The following THRB variants were observed in gnomAD, a reference collection of about 807,000 sequenced individuals.
The protein encoded by THRB is nuclear receptor subfamily 1 group A member 2.
Under a neutral mutation model 47.8 loss-of-function variants are expected in THRB, and 12 were observed. The ratio of observed to expected loss-of-function variants is 0.25; its 90% CI spans 0.16 to 0.41. The LOEUF (loss-of-function observed/expected upper bound fraction) is 0.41, where lower values mean the gene tolerates loss of function less well. Ranked by LOEUF, THRB falls within the 10% of genes least tolerant of loss-of-function variation. The pLI is 1.00. For missense variants in THRB, 348 were observed against 589.2 expected (o/e 0.59, Z 4.24); for synonymous variants, 218 against 212.2 (o/e 1.03, Z -0.24).
At chr3:24,200,437 A>G (rs1325758619) in intron 4 of THRB, among the ~76,000 whole-genome samples, 1 of 152,230 alleles carries the variant, frequency 6.6e-6, no homozygotes, top group Non-Finnish European at 1.5e-5. Flanking sequence ...ATAAAAGACA[A>G]AATATGACTT....
intron 3 of THRB, among the ~76,000 whole-genome samples, chr3:24,232,639 G>A (rs146905658): frequency 6.6e-6 from 1 of 152,244 alleles, no homozygotes; most frequent in African/African-American, 2.4e-5. Context: ...CATTACGCAG[G>A]TTTTAAGCAG....
intron 1 of THRB, among the ~76,000 whole-genome samples, chr3:24,433,888 C>T (rs2070691247): frequency 6.6e-6 from 1 of 152,176 alleles, no homozygotes; most frequent in Admixed American, 6.5e-5. Context: ...AGCCATAACG[C>T]TGAGGGTCCT....
chr3:24,253,398 C>T (rs548498717), intron 3 of THRB, among the ~76,000 whole-genome samples: 1 of 152,164 alleles, frequency 6.6e-6, no homozygotes, highest in East Asian at 1.9e-4. Context: ...TGAACAAACA[C>T]AGGAAAAAAA....
At chr3:24,248,120 A>T (rs548767936) in intron 3 of THRB, among the ~76,000 whole-genome samples, 2 of 152,090 alleles carry the variant, frequency 1.3e-5, no homozygotes, top group South Asian at 4.1e-4. Context: ...AACTTCTATT[A>T]ATAATCAGTG....
intron 3 of THRB, among the ~76,000 whole-genome samples, chr3:24,278,283 G>A (rs754422085): frequency 1.5e-4 from 23 of 152,072 alleles, no homozygotes; most frequent in Non-Finnish European, 3.1e-4. Flanking sequence ...GGCAGAAGCA[G>A]GCATAAAGTA....
chr3:24,391,176 G>T (rs2066541361), intron 1 of THRB, among the ~76,000 whole-genome samples: 1 of 152,144 alleles, frequency 6.6e-6, no homozygotes, highest in Admixed American at 6.6e-5. Flanking sequence ...CCACAAGAAG[G>T]TAAGACCCAG....
chr3:24,491,241 C>G (rs1486870542), intron 1 of THRB, among the ~76,000 whole-genome samples: 1 of 152,176 alleles, frequency 6.6e-6, no homozygotes, highest in African/African-American at 2.4e-5. Context: ...TCTTCCCCTC[C>G]CATTTTTAAC....
At chr3:24,177,331 G>A (rs190410621) in intron 5 of THRB, among the ~76,000 whole-genome samples, 2 of 152,254 alleles carry the variant, frequency 1.3e-5, no homozygotes, top group East Asian at 3.9e-4. Context: ...CAGAGTTACT[G>A]CTCATTGCAA....
chr3:24,137,977 T>C (rs1559427550), intron 8 of THRB, among the ~76,000 whole-genome samples: 1 of 151,534 alleles, frequency 6.6e-6, no homozygotes, highest in African/African-American at 2.4e-5. Context: ...CTTCTTGGGG[T>C]AGTGGGGGTG....
chr3:24,397,341 T>C (rs2067039474), intron 1 of THRB, among the ~76,000 whole-genome samples: 1 of 152,130 alleles, frequency 6.6e-6, no homozygotes, highest in African/African-American at 2.4e-5. Context: ...TGATGTGATA[T>C]GTAACTTGGC....
chr3:24,426,870 C>A (rs974232339), intron 1 of THRB, among the ~76,000 whole-genome samples: 28 of 152,036 alleles, frequency 1.8e-4, no homozygotes, highest in South Asian at 6.2e-4. Context: ...ATATGGAATA[C>A]GCTTGTGAAT....
At chr3:24,146,537 G>A in intron 7 of THRB, 138 bp downstream of exon 7, 1 of 883,082 alleles carries the variant, frequency 1.1e-6, no homozygotes, top group Non-Finnish European at 1.8e-6. Flanking sequence ...GGGGAGTGAG[G>A]GGTGTATGCG....
chr3:24,233,591 G>GAAAT (rs778060727), intron 3 of THRB, among the ~76,000 whole-genome samples: 1 of 69,316 alleles, frequency 1.4e-5, no homozygotes, highest in Non-Finnish European at 4.5e-5. Flanking sequence ...AAGAAAGAAA[G>GAAAT]AAAGAAAGAA....
intron 4 of THRB, among the ~76,000 whole-genome samples, chr3:24,193,813 T>G (rs1343659760): frequency 6.6e-6 from 1 of 150,950 alleles, no homozygotes; most frequent in Admixed American, 6.6e-5. Context: ...AAAAAGACAT[T>G]TGCACACACA....
intron 5 of THRB, among the ~76,000 whole-genome samples, chr3:24,176,748 A>ATCTACAGGGACTGAAAG (rs2041207083): frequency 1.3e-5 from 2 of 152,164 alleles, no homozygotes; most frequent in South Asian, 4.1e-4. Flanking sequence ...GAAAAGGCAA[A>ATCTACAGGGACTGAAAG]TCTACAGGGA....
chr3:24,283,838 A>G (rs1430879266), intron 3 of THRB, among the ~76,000 whole-genome samples: 1 of 151,898 alleles, frequency 6.6e-6, no homozygotes, highest in African/African-American at 2.4e-5. Flanking sequence ...CAATTGCTAC[A>G]AAGAGAATAA....
chr3:24,316,642 G>A (rs2058132272), intron 2 of THRB, among the ~76,000 whole-genome samples: 1 of 152,038 alleles, frequency 6.6e-6, no homozygotes, highest in African/African-American at 2.4e-5. Flanking sequence ...TCTCCAGAGG[G>A]TGGTTTATCA....
In THRB at chr3:24,228,934, A is replaced by G. The variant is rs1031696535; in HGVS notation, c.22+4T>C. 6.2e-7 allele frequency: 1 copy of G among 1,607,640 alleles called. No homozygotes were observed. Among genetic ancestry groups the G allele is most frequent in the South Asian group, 1.1e-5 (1 of 88,664 alleles). On this transcript the variant is annotated splice_donor_region_variant and intron_variant, in intron 4 of 10. Transcript: ENST00000646209. ...ACAAAGAAAATGTAAAAAAAAAAAG[A>G]TACCTGTCATACTGTTGGGAGTCAT... is the stretch of plus-strand genomic sequence containing the variant.
rs565316973 is a variant in THRB at position 24,250,477 on chromosome 3, G to T, written c.-42-21476C>A. On this transcript the variant is annotated intron_variant, in intron 3 of 10. Transcript: ENST00000646209. ...TTTGGGAGGCTGAGGCAGGAGGATT[G>T]CTTGAGGCCAAGAGTTCAAGAGTAG... is the stretch of plus-strand genomic sequence containing the variant. 2.6e-5 allele frequency among the ~76,000 whole-genome samples: 4 copies of T among 152,294 alleles called. No homozygotes were observed. The South Asian group carries it at 8.3e-4, about 32-fold the overall frequency.
Sources: allele counts gnomAD v4.1 joint callset (sites outside exome capture counted in the v4.1 genomes callset), GRCh38; gene constraint gnomAD v4.1.1; transcripts MANE v1.5; gene names NCBI Gene and HGNC (gene_info 2026-07-23, HGNC 2026-07-21).